SUPV3L1: variants seen among roughly 807,000 people sequenced by gnomAD.
The protein encoded by SUPV3L1 is Suv3 like RNA helicase.
SUPV3L1 carries 35 observed loss-of-function variants against 70.0 expected under a neutral mutation model. The observed-to-expected ratio is 0.50, with a 90% confidence interval of 0.38 to 0.66. The LOEUF is 0.66. Among genes scored for constraint, SUPV3L1 ranks in the 30% least tolerant of loss-of-function variants. The probability of loss-of-function intolerance (pLI) is 0.00; values close to 1 mark genes in which losing one functional copy is unlikely to be tolerated. For missense variants in SUPV3L1, 777 were observed against 961.5 expected, an observed-to-expected ratio of 0.81 and a Z score of 2.54; for synonymous variants, 364 against 341.9, an observed-to-expected ratio of 1.06 and a Z score of -0.71.
At chr10:69,182,692 T>C (rs1167618242) in intron 1 of SUPV3L1, 1 of 985,252 alleles carries the variant, frequency 1.0e-6, no homozygotes, top group East Asian at 1.1e-4. Context: ...TTGGTCCAGA[T>C]GTTGAATTTA....
intron 10 of SUPV3L1, 76 bp from the exon 11 acceptor site, chr10:69,200,204 G>A: frequency 8.2e-7 from 1 of 1,219,548 alleles, no homozygotes; most frequent in Non-Finnish European, 1.2e-6. Flanking sequence ...TAGTATTGGA[G>A]TGAGCATTAT....
intron 9 of SUPV3L1, among the ~76,000 whole-genome samples, chr10:69,198,758 G>A (rs1348593821): frequency 6.6e-6 from 1 of 152,150 alleles, no homozygotes; most frequent in African/African-American, 2.4e-5. Context: ...GTTAGTTGCT[G>A]CTATTATTAG....
intron 5 of SUPV3L1, 132 bp downstream of exon 5, chr10:69,189,567 A>G (rs1842332643): frequency 2.6e-5 from 22 of 854,142 alleles, no homozygotes; most frequent in East Asian, 1.2e-4. Context: ...GAGGCTGTCA[A>G]TTGTAAGATG....
At chr10:69,182,898 C>T (rs531197208) in intron 1 of SUPV3L1, among the ~76,000 whole-genome samples, 53 of 152,304 alleles carry the variant, frequency 3.5e-4, no homozygotes, top group African/African-American at 1.0e-3. Context: ...CCTGCGTCAC[C>T]TTGCTGCCTT....
At chr10:69,198,698 A>C (rs1367041947) in intron 9 of SUPV3L1, 146 bp downstream of exon 9, 17 of 740,088 alleles carry the variant, frequency 2.3e-5, no homozygotes, top group Non-Finnish European at 3.4e-5. Context: ...AAAATAAATA[A>C]TTTTCTATTT....
At chr10:69,198,981 A>G in intron 9 of SUPV3L1, 123 bp from the exon 10 acceptor site, 1 of 708,306 alleles carries the variant, frequency 1.4e-6, no homozygotes, top group Middle Eastern at 3.2e-4. Flanking sequence ...ATAAAGTTTG[A>G]AACAGTAAAG....
chr10:69,206,234 G>A (rs895045987), intron 13 of SUPV3L1, among the ~76,000 whole-genome samples: 9 of 152,086 alleles, frequency 5.9e-5, no homozygotes, highest in Non-Finnish European at 7.4e-5. Context: ...TATCCTACTT[G>A]GCATTTATTA....
intron 11 of SUPV3L1, among the ~76,000 whole-genome samples, chr10:69,201,870 C>T (rs868279105): frequency 7.8e-6 from 1 of 128,988 alleles, no homozygotes; most frequent in Non-Finnish European, 1.6e-5. Flanking sequence ...TAGACGGAGT[C>T]TTGCTCTGTC....
chr10:69,185,441 G>A (rs1222618474), intron 1 of SUPV3L1, among the ~76,000 whole-genome samples: 2 of 151,204 alleles, frequency 1.3e-5, no homozygotes, highest in Non-Finnish European at 3.0e-5. Context: ...TCATCCCAGA[G>A]TGCATTGCTC....
intron 11 of SUPV3L1, 99 bp downstream of exon 11, chr10:69,200,598 C>T (rs1400636827): frequency 6.6e-6 from 7 of 1,064,118 alleles, no homozygotes; most frequent in Non-Finnish European, 9.4e-6. Context: ...TTTCTGGATA[C>T]AGACATAAGT....
At chr10:69,182,636 C>T (rs1270902361) in intron 1 of SUPV3L1, 3 of 985,414 alleles carry the variant, frequency 3.0e-6, no homozygotes, top group Non-Finnish European at 3.6e-6. Context: ...TTAGATACTT[C>T]ATTGGGTCTG....
intron 7 of SUPV3L1, among the ~76,000 whole-genome samples, chr10:69,196,575 T>C (rs1329113838): frequency 6.6e-6 from 1 of 152,002 alleles, no homozygotes; most frequent in Non-Finnish European, 1.5e-5. Flanking sequence ...GTAAAATACA[T>C]GGAAGTGGAT....
intron 13 of SUPV3L1, among the ~76,000 whole-genome samples, chr10:69,203,821 G>A (rs1842750089): frequency 6.6e-6 from 1 of 151,920 alleles, no homozygotes; most frequent in Non-Finnish European, 1.5e-5. Flanking sequence ...AACCTCCCTG[G>A]CTCAAGTGAT....
At position 69,200,511 on chromosome 10, in the gene SUPV3L1, CAT is replaced by C. The variant is rs1309328630; in HGVS notation, c.1518+13_1518+14del. The C allele has an allele frequency of 1.4e-5, 23 of 1,596,142 alleles. No individual in the cohort carries two copies. Among genetic ancestry groups the C allele is most frequent in the Non-Finnish European group, 1.9e-5 (22 of 1,164,348 alleles). On this transcript the variant is annotated intron_variant, in intron 11 of 14. Transcript: ENST00000359655. ...TGGATCCTATAAGGGTAAGAGGTAA[CAT>C]GTTAACTACTGCTTCTCTGTGGAGG...
At chr10:69,191,547 CTG>C (rs1179901746) in intron 5 of SUPV3L1, 106 bp from the exon 6 acceptor site, 3 of 895,760 alleles carry the variant, frequency 3.3e-6, no homozygotes, top group Non-Finnish European at 5.3e-6. Context: ...TATGTTTTAA[CTG>C]TGAAACAAAC....
chr10:69,207,961 A>T lies in SUPV3L1; in HGVS notation c.1925+20A>T, dbSNP rs777911209. 4.4e-6 allele frequency: 7 copies of T among 1,605,496 alleles called. No individual in the cohort carries two copies. Among genetic ancestry groups the T allele is most frequent in the Non-Finnish European group, 5.9e-6 (7 of 1,176,664 alleles). On this transcript the variant is annotated intron_variant, in intron 14 of 14. Coordinates refer to ENST00000359655, the MANE Select transcript of SUPV3L1 (RefSeq NM_003171.5). Reference sequence around the variant, plus strand: ...GCTAAGGTACCAACATTTTTCCTTTATGTGCTCTCATTTTTCTAGTAGGAC... The same window carrying T: ...GCTAAGGTACCAACATTTTTCCTTTTTGTGCTCTCATTTTTCTAGTAGGAC...
chr10:69,186,117 C>A (rs1200698663), intron 2 of SUPV3L1, 53 bp downstream of exon 2: 2 of 1,500,998 alleles, frequency 1.3e-6, no homozygotes, highest in Admixed American at 1.7e-5. Flanking sequence ...TACGGTACAG[C>A]TTGGTCAGGA....
At chr10:69,190,221 A>G (rs1209086582) in intron 5 of SUPV3L1, among the ~76,000 whole-genome samples, 1 of 152,190 alleles carries the variant, frequency 6.6e-6, no homozygotes, top group East Asian at 1.9e-4. Flanking sequence ...CTACTCTATG[A>G]TATTTAATTT....
intron 13 of SUPV3L1, among the ~76,000 whole-genome samples, chr10:69,204,542 T>G (rs938172119): frequency 1.3e-5 from 2 of 152,286 alleles, no homozygotes; most frequent in East Asian, 3.9e-4. Context: ...ATAGCAAGAC[T>G]CTGCCCTTTA....
Sources: allele counts gnomAD v4.1 joint callset (sites outside exome capture counted in the v4.1 genomes callset), GRCh38; gene constraint gnomAD v4.1.1; transcripts MANE v1.5; gene names NCBI Gene and HGNC (gene_info 2026-07-23, HGNC 2026-07-21).